Variants in ZNF468 observed in about 807,000 individuals in gnomAD.
ZNF468 encodes the protein zinc finger protein 468, also known as zinc finger protein ZNF468.
In ZNF468, 8 loss-of-function variants were observed where a neutral mutation model predicts 7.2. The observed-to-expected ratio is 1.11, with a 90% CI of 0.65 to 2.01. The LOEUF is 2.01. Among genes scored for constraint, ZNF468 ranks in the 30% most tolerant of loss-of-function variants. The pLI is 0.00. For missense variants in ZNF468, 608 were observed against 626.5 expected, an observed-to-expected ratio of 0.97 and a Z score of 0.31; for synonymous variants, 218 against 214.4, an observed-to-expected ratio of 1.02 and a Z score of -0.15.
At chr19:52,846,429 A>AC (rs531503288) in intron 3 of ZNF468, 15 of 152,242 alleles carry the variant, frequency 9.9e-5, no homozygotes, top group African/African-American at 3.6e-4. Flanking sequence ...TGAAATCCTG[A>AC]CCTCAGGTGA....
chr19:52,857,193 A>T (rs2063447998), intron 1 of ZNF468, among the ~76,000 whole-genome samples: 1 of 151,860 alleles, frequency 6.6e-6, no homozygotes, highest in African/African-American at 2.4e-5. Flanking sequence ...CCTTCCCGGG[A>T]CTGGGGTCGC....
Position 52,839,670 on chromosome 19 carries a change from G to A in ZNF468, c.*1055C>T, listed in dbSNP as rs187674424. 1,929 of 546,846 alleles carry A rather than the reference G, an allele frequency of 3.5e-3. 14 individuals carry two copies. In the Middle Eastern group the frequency reaches 0.042, roughly 12 times the overall value. 33.9% of individuals were successfully genotyped at this position (546,846 alleles called of 1,614,324 possible). Reference sequence around the variant, plus strand: ...CTGATGTCTAATGAGGTGTGAATGTGAAGTAAACGCTTTGCCACAATCATC... The same window carrying A: ...CTGATGTCTAATGAGGTGTGAATGTAAAGTAAACGCTTTGCCACAATCATC... On this transcript the variant is annotated 3_prime_UTR_variant, in exon 4 of 4. Coordinates refer to ENST00000595646, the MANE Select transcript of ZNF468 (RefSeq NM_001008801.2).
At position 52,854,262 on chromosome 19, in the gene ZNF468, G is replaced by A. The variant is rs2063417333; in HGVS notation, c.11C>T (p.Pro4Leu). Residue 4 changes from proline (P) to leucine (L), a missense_variant, in exon 2 of 4, where the codon CCT becomes CTT. Transcript: ENST00000595646. ...CCACCGAGGATATCATCTCACCTGA[G>A]GAAGAGCCATCCCTGACTCCTTTGC... MALPQGLLTFRDVA... is the reference protein window; with the variant it reads MALLQGLLTFRDVA... 1 of 1,613,716 alleles carries A rather than the reference G, an allele frequency of 6.2e-7. No individual in the cohort carries two copies. The highest frequency in any genetic ancestry group is 1.3e-5 in the African/African-American group (1 of 74,888).
chr19:52,851,909 T>G (rs2063393183), intron 2 of ZNF468, among the ~76,000 whole-genome samples: 1 of 152,174 alleles, frequency 6.6e-6, no homozygotes, highest in African/African-American at 2.4e-5. Flanking sequence ...TTTGTATATA[T>G]GCATGTATAT....
At chr19:52,845,526 G>A (rs2063335843) in intron 3 of ZNF468, among the ~76,000 whole-genome samples, 1 of 152,078 alleles carries the variant, frequency 6.6e-6, no homozygotes, top group African/African-American at 2.4e-5. Context: ...GGGTATAGTG[G>A]TGCAGGCCTG....
intron 1 of ZNF468, among the ~76,000 whole-genome samples, chr19:52,856,479 G>C (rs1231435055): frequency 2.2e-5 from 1 of 44,764 alleles, no homozygotes; most frequent in East Asian, 4.9e-4. Flanking sequence ...TCCCATCTAT[G>C]CGCCTCCTCT....
intron 1 of ZNF468, 125 bp downstream of exon 1, chr19:52,857,447 C>A (rs1325090120): frequency 6.6e-6 from 1 of 152,338 alleles, no homozygotes; most frequent in Non-Finnish European, 1.5e-5. Flanking sequence ...TAGAACATCT[C>A]CATTTGCTCT....
chr19:52,840,846 A>C lies in ZNF468; in HGVS notation c.1448T>G (p.Ile483Arg), dbSNP rs1335376119. ...TCCAGTATGAAGCCTACGATGGATTATAAGCGATGATGTCTGACCGAAGGT... is the reference window on the plus strand; with the variant it reads ...TCCAGTATGAAGCCTACGATGGATTCTAAGCGATGATGTCTGACCGAAGGT... ...GKTFGQTSSL[I>R]IHRRLHTGEK... Residue 483 changes from isoleucine to arginine, a missense_variant, in exon 4 of 4, where the codon ATA becomes AGA. Coordinates refer to ENST00000595646, the MANE Select transcript of ZNF468 (RefSeq NM_001008801.2). 1.3e-5 allele frequency: 20 copies of C among 1,594,658 alleles called. No individual in the cohort carries two copies. Among genetic ancestry groups the C allele is most frequent in the Non-Finnish European group, 1.7e-5 (20 of 1,171,378 alleles).
chr19:52,845,879 T>TGAGTA (rs2063338502), intron 3 of ZNF468, among the ~76,000 whole-genome samples: 1 of 152,042 alleles, frequency 6.6e-6, no homozygotes, highest in African/African-American at 2.4e-5. Context: ...GGCGCATGCC[T>TGAGTA]GTAATCCCAG....
At position 52,840,473 on chromosome 19, in the gene ZNF468, G is replaced by A. The variant is rs2063285531; in HGVS notation, c.*252C>T. On this transcript the variant is annotated 3_prime_UTR_variant, in exon 4 of 4. Coordinates refer to ENST00000595646, the MANE Select transcript of ZNF468 (RefSeq NM_001008801.2). ...AAACCTTGTCACAAACCTTACCTCTGTATGGTTTCTCTTCAATGTGAATTT... is the reference window on the plus strand; with the variant it reads ...AAACCTTGTCACAAACCTTACCTCTATATGGTTTCTCTTCAATGTGAATTT... 3.8e-6 allele frequency: 3 copies of A among 798,408 alleles called. No individual in the cohort carries two copies. The highest frequency in any genetic ancestry group is 6.1e-6 in the Non-Finnish European group (3 of 489,766). 49.5% of individuals were successfully genotyped at this position (798,408 alleles called of 1,614,324 possible). A position where few individuals can be genotyped will look rare whatever the true frequency, so the allele number is the denominator to read the frequency against.
intron 1 of ZNF468, among the ~76,000 whole-genome samples, chr19:52,856,951 C>A (rs949858664): frequency 5.3e-5 from 8 of 152,132 alleles, no homozygotes; most frequent in African/African-American, 1.9e-4. Flanking sequence ...GAGTAAGACG[C>A]CTGCATCTCG....
intron 1 of ZNF468, among the ~76,000 whole-genome samples, chr19:52,854,603 A>T (rs1328363878): frequency 1.3e-5 from 2 of 152,140 alleles, no homozygotes; most frequent in East Asian, 1.9e-4. Flanking sequence ...AAACTTAGCC[A>T]GGTATGGTGG....
intron 2 of ZNF468, among the ~76,000 whole-genome samples, chr19:52,853,147 G>A (rs985892215): frequency 2.6e-5 from 4 of 152,040 alleles, no homozygotes; most frequent in South Asian, 2.1e-4. Context: ...GAGCCACCGC[G>A]CGTGGCCCAG....
intron 2 of ZNF468, chr19:52,853,774 G>A (rs1468436993): frequency 2.3e-6 from 2 of 864,316 alleles, no homozygotes; most frequent in Admixed American, 4.8e-5. Context: ...AAGATTTTTG[G>A]AGTCAGAAAC....
intron 3 of ZNF468, among the ~76,000 whole-genome samples, 155 bp downstream of exon 3, chr19:52,848,932 G>C (rs1309250279): frequency 1.3e-5 from 2 of 151,980 alleles, no homozygotes; most frequent in African/African-American, 4.8e-5. Context: ...AAACAAAGGG[G>C]ACAGTGAAAG....
chr19:52,840,485 T>C lies in ZNF468; in HGVS notation c.*240A>G. ...AAACCTTACCTCTGTATGGTTTCTC[T>C]TCAATGTGAATTTTCTTATGTGTTT... is the stretch of plus-strand genomic sequence containing the variant. On this transcript the variant is annotated 3_prime_UTR_variant, in exon 4 of 4. Coordinates refer to ENST00000595646, the MANE Select transcript of ZNF468 (RefSeq NM_001008801.2). 2 of 867,380 alleles carry C rather than the reference T, an allele frequency of 2.3e-6. No individual in the cohort carries two copies. The highest frequency in any genetic ancestry group is 3.2e-5 in the South Asian group (2 of 62,538). The allele number at this position is 867,380 out of a possible 1,614,324, so 53.7% of individuals were successfully genotyped here.
At chr19:52,852,838 ATT>A (rs1208100063) in intron 2 of ZNF468, among the ~76,000 whole-genome samples, 1 of 146,656 alleles carries the variant, frequency 6.8e-6, no homozygotes, top group Non-Finnish European at 1.5e-5. Flanking sequence ...AATATATAAA[ATT>A]TTTTTTTAAT....
Position 52,839,948 on chromosome 19 carries a change from A to G in ZNF468, c.*777T>C. ...CTGAAAACTTTGTGACAATCATTACATTAGTCAAGTTTCCCTATACCATGG... is the reference window on the plus strand; with the variant it reads ...CTGAAAACTTTGTGACAATCATTACGTTAGTCAAGTTTCCCTATACCATGG... On this transcript the variant is annotated 3_prime_UTR_variant, in exon 4 of 4. Transcript: ENST00000595646. The G allele has an allele frequency of 1.7e-6, 2 of 1,147,054 alleles. No individual in the cohort carries two copies. The highest frequency in any genetic ancestry group is 1.2e-6 in the Non-Finnish European group (1 of 825,324). 71.1% of individuals were successfully genotyped at this position (1,147,054 alleles called of 1,614,324 possible). A position where few individuals can be genotyped will look rare whatever the true frequency, so the allele number is the denominator to read the frequency against.
At position 52,841,878 on chromosome 19, in the gene ZNF468, T is replaced by C; in HGVS notation, c.416A>G (p.Gln139Arg). 6.2e-7 allele frequency: 1 copy of C among 1,614,140 alleles called. No individual in the cohort carries two copies. The highest frequency in any genetic ancestry group is 8.5e-7 in the Non-Finnish European group (1 of 1,180,032). Residue 139 changes from glutamine to arginine, a missense_variant, in exon 4 of 4, where the codon CAG becomes CGG. By Grantham distance (43) the Gln-to-Arg change is conservative. Transcript: ENST00000595646. ...ATGCAAATGAAAGCTTGATCCAAGC[T>C]GATCTTTAATACGCTTGTTTCCAGC... The part of the protein sequence containing the change: ...RHAGNKRIKD[Q>R]LGSSFHLHLP...
Sources: gnomAD v4.1 joint callset for allele counts (sites outside exome capture counted in the v4.1 genomes callset) on GRCh38, gnomAD v4.1.1 for gene constraint, MANE v1.5 for transcripts, NCBI Gene and HGNC (gene_info 2026-07-23, HGNC 2026-07-21) for gene names.